SEC23A: variants seen among roughly 807,000 people sequenced by gnomAD.
The protein encoded by SEC23A is SEC23 homolog A, COPII component.
Under a neutral mutation model 103.7 loss-of-function variants are expected in SEC23A, and 56 were observed. That is an observed-to-expected ratio of 0.54 (90% confidence interval 0.44 to 0.67). The LOEUF is 0.67. SEC23A is among the 30% of genes least tolerant of loss of function. SEC23A has a pLI of 0.00. For synonymous variants in SEC23A, 281 were observed against 293.0 expected (o/e 0.96, Z 0.42); for missense variants, 784 against 936.4 (o/e 0.84, Z 2.12).
intron 1 of SEC23A, among the ~76,000 whole-genome samples, chr14:39,099,236 G>A (rs1888001296): frequency 7.2e-6 from 1 of 138,146 alleles, no homozygotes. Context: ...TCAGCTCACT[G>A]CAACCTCTGC....
intron 9 of SEC23A, among the ~76,000 whole-genome samples, chr14:39,072,734 A>G (rs1886880360): frequency 6.6e-6 from 1 of 152,174 alleles, no homozygotes; most frequent in South Asian, 2.1e-4. Flanking sequence ...GGATTGCTTG[A>G]GCCCTGGACA....
intron 14 of SEC23A, among the ~76,000 whole-genome samples, chr14:39,054,622 G>T (rs1289127292): frequency 6.6e-6 from 1 of 151,932 alleles, no homozygotes; most frequent in East Asian, 1.9e-4. Context: ...CAGGCACACA[G>T]TACCATGCCT....
intron 1 of SEC23A, among the ~76,000 whole-genome samples, chr14:39,101,820 AT>A (rs1416565768): frequency 6.6e-6 from 1 of 152,190 alleles, no homozygotes; most frequent in Non-Finnish European, 1.5e-5. Flanking sequence ...TTGTCTTCTT[AT>A]GATCTTGGAC....
At chr14:39,038,230 T>G (rs1885523296) in intron 19 of SEC23A, among the ~76,000 whole-genome samples, 1 of 152,198 alleles carries the variant, frequency 6.6e-6, no homozygotes, top group Non-Finnish European at 1.5e-5. Flanking sequence ...TTAAATGAAA[T>G]GTTTCTTTTT....
At chr14:39,095,589 G>A (rs1486013300) in intron 2 of SEC23A, among the ~76,000 whole-genome samples, 1 of 152,180 alleles carries the variant, frequency 6.6e-6, no homozygotes. Context: ...GAGCCACCAC[G>A]CCCGGCCAAT....
At chr14:39,039,124 T>C (rs1566479158) in intron 18 of SEC23A, 28 bp from the exon 19 acceptor site, 2 of 1,597,864 alleles carry the variant, frequency 1.3e-6, no homozygotes, top group Admixed American at 1.7e-5. Context: ...AATAACATTA[T>C]CCATCAAAAA....
In SEC23A at chr14:39,096,096, A is replaced by C. The variant is rs1326667352; in HGVS notation, c.23T>G (p.Ile8Ser). The change falls in exon 2 of 20, where the codon ATT becomes AGT. Residue 8 changes from isoleucine (I) to serine (S), a missense_variant. Ile to Ser is a moderately radical substitution (Grantham distance 142, BLOSUM62 -2). Coordinates refer to ENST00000307712, the MANE Select transcript of SEC23A (RefSeq NM_006364.4). MTTYLEF[I>S]QQNEERDGVR... ...TCCATCTCGTTCTTCATTTTGTTGA[A>C]TGAATTCCAAATAGGTTGTCATTGT... is the stretch of plus-strand genomic sequence containing the variant. The C allele has an allele frequency of 1.9e-6, 3 of 1,613,488 alleles. No individual in the cohort carries two copies. The Admixed American group carries it at 5.0e-5, about 27-fold the overall frequency.
chr14:39,072,989 G>C (rs1179203928), intron 9 of SEC23A, among the ~76,000 whole-genome samples: 1 of 152,062 alleles, frequency 6.6e-6, no homozygotes, highest in Non-Finnish European at 1.5e-5. Flanking sequence ...TCTGCTCCTA[G>C]ATATATACCT....
At chr14:39,085,329 C>T (rs927415397) in intron 7 of SEC23A, among the ~76,000 whole-genome samples, 5 of 152,104 alleles carry the variant, frequency 3.3e-5, no homozygotes, top group African/African-American at 7.2e-5. Flanking sequence ...TATCATAAAC[C>T]GAGAAACATA....
intron 9 of SEC23A, among the ~76,000 whole-genome samples, chr14:39,073,766 C>T (rs921004569): frequency 3.3e-5 from 5 of 151,556 alleles, no homozygotes; most frequent in Non-Finnish European, 7.4e-5. Context: ...CCTGCCACCA[C>T]GCCCACCTAA....
intron 1 of SEC23A, among the ~76,000 whole-genome samples, chr14:39,102,564 C>A (rs1888145179): frequency 6.6e-6 from 1 of 152,228 alleles, no homozygotes; most frequent in Non-Finnish European, 1.5e-5. Flanking sequence ...TCTTTGTAAT[C>A]AAAACCCAAG....
chr14:39,050,010 C>T (rs906425893), intron 14 of SEC23A, among the ~76,000 whole-genome samples: 9 of 151,918 alleles, frequency 5.9e-5, no homozygotes, highest in Non-Finnish European at 7.4e-5. Flanking sequence ...CCTCATGATC[C>T]GCCCGTCTCG....
intron 17 of SEC23A, chr14:39,041,117 T>A: frequency 2.4e-6 from 1 of 417,868 alleles, no homozygotes; most frequent in Non-Finnish European, 4.0e-6. Flanking sequence ...CTTACATAAG[T>A]CAGAAAATTT....
At chr14:39,042,193 G>A (rs1885670753) in intron 17 of SEC23A, among the ~76,000 whole-genome samples, 1 of 152,158 alleles carries the variant, frequency 6.6e-6, no homozygotes. Context: ...TGTGAAAAAA[G>A]AACACATCTA....
chr14:39,093,727 C>G (rs570516776), intron 2 of SEC23A, among the ~76,000 whole-genome samples: 2 of 152,154 alleles, frequency 1.3e-5, no homozygotes, highest in Non-Finnish European at 2.9e-5. Flanking sequence ...CAACACTGCC[C>G]TCCAATCTAA....
chr14:39,086,916 T>A lies in SEC23A; in HGVS notation c.683+13A>T, dbSNP rs1887463597. 4.0e-6 allele frequency: 6 copies of A among 1,514,994 alleles called. No individual in the cohort carries two copies. In the South Asian group the frequency reaches 6.7e-5, roughly 17 times the overall value. 93.8% of individuals were successfully genotyped at this position (1,514,994 alleles called of 1,614,324 possible). A position where few individuals can be genotyped will look rare whatever the true frequency, so the allele number is the denominator to read the frequency against. Reference sequence around the variant, plus strand: ...TACAGAAACGGTCAAATTCTCTTCATCATATTTATTACCTGTTGGAAGGAG... The same window carrying A: ...TACAGAAACGGTCAAATTCTCTTCAACATATTTATTACCTGTTGGAAGGAG... On this transcript the variant is annotated intron_variant, in intron 6 of 19. Coordinates refer to ENST00000307712, the MANE Select transcript of SEC23A (RefSeq NM_006364.4).
rs1566515067 is a variant in SEC23A, at chr14:39,094,422, ATATATATATATATATATATATTTTT to A, written c.222-1203_222-1179del. Among the ~76,000 whole-genome samples the A allele has an allele frequency of 1.9e-3, 120 of 63,496 alleles. 21 individuals carry two copies. The highest frequency in any genetic ancestry group is 0.012 in the African/African-American group (111 of 9,094). The allele number at this position is 63,496 out of a possible 152,430, so 41.7% of individuals were successfully genotyped here. A position where few individuals can be genotyped will look rare whatever the true frequency, so the allele number is the denominator to read the frequency against. On this transcript the variant is annotated intron_variant, in intron 2 of 19. Transcript: ENST00000307712. Reference sequence around the variant, plus strand: ...CATATATATATATATATATATATATATATATATATATATATATATATTTTTTTTTTTTTTTTTTCCCCTCCTGTAG... The same window carrying A: ...CATATATATATATATATATATATATATTTTTTTTTTTTTCCCCTCCTGTAG...
chr14:39,054,819 T>C (rs1188128587), intron 14 of SEC23A, among the ~76,000 whole-genome samples: 1 of 152,058 alleles, frequency 6.6e-6, no homozygotes, highest in African/African-American at 2.4e-5. Context: ...AATGAAGAAA[T>C]ATGTAAAAAA....
chr14:39,042,739 G>A (rs1199994569), intron 17 of SEC23A, 47 bp downstream of exon 17: 1 of 1,223,246 alleles, frequency 8.2e-7, no homozygotes. Flanking sequence ...ACCTTTCTAA[G>A]TAAAAAGACT....
Sources: gnomAD v4.1 joint callset for allele counts (sites outside exome capture counted in the v4.1 genomes callset) on GRCh38, gnomAD v4.1.1 for gene constraint, MANE v1.5 for transcripts, NCBI Gene and HGNC (gene_info 2026-07-23, HGNC 2026-07-21) for gene names.